SMG6: variants seen among roughly 807,000 people sequenced by gnomAD.
SMG6 encodes telomerase-binding protein EST1A.
A neutral mutation model predicts 142.2 loss-of-function variants in SMG6; 66 were observed. That is an observed-to-expected ratio of 0.46 (90% CI 0.38 to 0.57). The LOEUF (loss-of-function observed/expected upper bound fraction) is 0.57, where lower values mean the gene tolerates loss of function less well. Among genes scored for constraint, SMG6 ranks in the 20% least tolerant of loss-of-function variants. The probability of loss-of-function intolerance (pLI) is 0.00; values close to 1 mark genes in which losing one functional copy is unlikely to be tolerated. For missense variants in SMG6, 1,793 were observed against 1,832.0 expected, an observed-to-expected ratio of 0.98 and a Z score of 0.39; for synonymous variants, 779 against 702.4, an observed-to-expected ratio of 1.11 and a Z score of -1.72.
At chr17:2,195,551 T>C (rs2072298327) in intron 10 of SMG6, among the ~76,000 whole-genome samples, 1 of 152,184 alleles carries the variant, frequency 6.6e-6, no homozygotes, top group Non-Finnish European at 1.5e-5. Context: ...ATCAGCACCA[T>C]AGAGAGGTTC....
chr17:2,229,482 C>G (rs934502939), intron 10 of SMG6: 1 of 152,196 alleles, frequency 6.6e-6, no homozygotes, highest in Admixed American at 6.5e-5. Context: ...ACACTTGACA[C>G]CTGTGTATAA....
At chr17:2,133,488 G>A (rs2070191682) in intron 13 of SMG6, among the ~76,000 whole-genome samples, 1 of 152,136 alleles carries the variant, frequency 6.6e-6, no homozygotes, top group South Asian at 2.1e-4. Flanking sequence ...TCCCAATCCA[G>A]TCTTCCCTTC....
At chr17:2,080,729 G>A (rs1263302043) in intron 15 of SMG6, among the ~76,000 whole-genome samples, 3 of 151,560 alleles carry the variant, frequency 2.0e-5, no homozygotes, top group Admixed American at 6.6e-5. Context: ...TCCGCCTCCC[G>A]GGTTCAAGCG....
intron 6 of SMG6, among the ~76,000 whole-genome samples, chr17:2,287,949 T>C (rs1417751674): frequency 6.6e-6 from 1 of 152,134 alleles, no homozygotes; most frequent in Non-Finnish European, 1.5e-5. Context: ...TTTTGTAAAA[T>C]GAAAAGCATT....
intron 10 of SMG6, among the ~76,000 whole-genome samples, chr17:2,196,444 A>G (rs564418520): frequency 9.8e-5 from 15 of 152,290 alleles, no homozygotes; most frequent in African/African-American, 2.9e-4. Flanking sequence ...CCCAGAAAAT[A>G]AAAGACAACC....
intron 13 of SMG6, among the ~76,000 whole-genome samples, chr17:2,147,103 G>T (rs956930767): frequency 8.5e-5 from 13 of 152,142 alleles, no homozygotes; most frequent in Non-Finnish European, 7.4e-5. Flanking sequence ...GAAAGCTATA[G>T]GTTATAGGGG....
chr17:2,226,153 T>C (rs952893305), intron 10 of SMG6, among the ~76,000 whole-genome samples: 7 of 151,886 alleles, frequency 4.6e-5, no homozygotes, highest in African/African-American at 1.7e-4. Context: ...CGCATGCCTG[T>C]AATCCCAGCT....
At chr17:2,097,796 A>G (rs1018659837) in intron 13 of SMG6, among the ~76,000 whole-genome samples, 9 of 152,174 alleles carry the variant, frequency 5.9e-5, no homozygotes, top group African/African-American at 2.2e-4. Flanking sequence ...CATCCTGCTT[A>G]TTCTTTCACT....
intron 13 of SMG6, among the ~76,000 whole-genome samples, chr17:2,171,356 AGT>A (rs10601842): frequency 0.39 from 57,936 of 149,264 alleles, 11,385 homozygotes; most frequent in Admixed American, 0.44. Context: ...AAAATGAAAG[AGT>A]GTGTGTGTGT....
chr17:2,264,918 T>A (rs1488495467), intron 8 of SMG6, among the ~76,000 whole-genome samples: 3 of 150,424 alleles, frequency 2.0e-5, no homozygotes, highest in African/African-American at 7.3e-5. Flanking sequence ...AAAAAAAAAA[T>A]TTCCTTAAAA....
intron 13 of SMG6, among the ~76,000 whole-genome samples, chr17:2,103,916 G>C (rs965025319): frequency 6.6e-6 from 1 of 152,052 alleles, no homozygotes; most frequent in Non-Finnish European, 1.5e-5. Context: ...CACAGAGAAA[G>C]CAGGCTTGAC....
At chr17:2,113,154 C>G (rs2069391275) in intron 13 of SMG6, among the ~76,000 whole-genome samples, 1 of 152,150 alleles carries the variant, frequency 6.6e-6, no homozygotes, top group Non-Finnish European at 1.5e-5. Context: ...ATCTCCCAGC[C>G]TCCCAGGCTC....
At chr17:2,182,527 A>T (rs1374649350) in intron 12 of SMG6, among the ~76,000 whole-genome samples, 3 of 152,112 alleles carry the variant, frequency 2.0e-5, no homozygotes, top group Non-Finnish European at 4.4e-5. Flanking sequence ...CAGGGAAAAA[A>T]TTTAGAAAGA....
At chr17:2,302,427 G>A (rs1177534516) in intron 1 of SMG6, among the ~76,000 whole-genome samples, 1 of 152,180 alleles carries the variant, frequency 6.6e-6, no homozygotes, top group Non-Finnish European at 1.5e-5. Flanking sequence ...TACAGTCCAA[G>A]CTACTGGGGA....
At chr17:2,283,006 AC>A in intron 7 of SMG6, 147 bp from the exon 8 acceptor site, 2 of 696,668 alleles carry the variant, frequency 2.9e-6, no homozygotes, top group Non-Finnish European at 4.8e-6. Context: ...CCCTGTCTCT[AC>A]TAAAAATACA....
chr17:2,091,984 TTTTTC>T (rs1474560335), intron 13 of SMG6, among the ~76,000 whole-genome samples: 11 of 150,906 alleles, frequency 7.3e-5, no homozygotes, highest in Admixed American at 2.6e-4. Context: ...GCCTGGCCCC[TTTTTC>T]TTTTTTTTTT....
At chr17:2,228,523 G>A (rs754520562) in intron 10 of SMG6, among the ~76,000 whole-genome samples, 6 of 151,982 alleles carry the variant, frequency 3.9e-5, no homozygotes, top group African/African-American at 9.7e-5. Context: ...CATCGCGCCC[G>A]GCCTAATTTT....
Position 2,299,036 on chromosome 17 carries a change from T to C in SMG6, c.1717A>G (p.Met573Val), listed in dbSNP as rs1239465766. 2.0e-5 allele frequency: 33 copies of C among 1,614,168 alleles called. No homozygotes were observed. Among genetic ancestry groups the C allele is most frequent in the Non-Finnish European group, 2.6e-5 (31 of 1,180,030 alleles). ...TMSPEEVEQHMRNLQQQELHR... is the reference protein window; with the variant it reads ...TMSPEEVEQHVRNLQQQELHR... ...AGCTCCTGTTGCTGCAGGTTCCTCA[T>C]GTGCTGCTCTACCTCCTCGGGACTC... Residue 573 changes from methionine (M) to valine (V), a missense_variant, in exon 2 of 19, where the codon ATG (methionine) becomes GTG (valine). Around this residue, in one of 3 missense-constraint regions of SMG6, gnomAD observed 1,597 missense variants for 1,584.6 expected, o/e 1.01. Coordinates refer to ENST00000263073, the MANE Select transcript of SMG6 (RefSeq NM_017575.5). This position sits in a 1 kb window ranked among gnomAD's most constrained non-coding sequence, Gnocchi z 4.3.
chr17:2,245,481 T>G (rs1318228766), intron 8 of SMG6, among the ~76,000 whole-genome samples: 2 of 151,740 alleles, frequency 1.3e-5, no homozygotes, highest in Non-Finnish European at 2.9e-5. Flanking sequence ...CACCTCCCAG[T>G]TCAAGCAATT....
Sources: gnomAD v4.1 joint callset for allele counts (sites outside exome capture counted in the v4.1 genomes callset) on GRCh38, gnomAD v4.1.1 for gene constraint, gnomAD v4.1.1 regional missense constraint, Gnocchi (gnomAD v3.1) non-coding constraint, MANE v1.5 for transcripts, NCBI Gene and HGNC (gene_info 2026-07-23, HGNC 2026-07-21) for gene names.